The following C8orf88 variants were observed in gnomAD, a reference collection of about 807,000 sequenced individuals.
C8orf88 encodes the protein chromosome 8 open reading frame 88.
Under a neutral mutation model 18.4 loss-of-function variants are expected in C8orf88, and 14 were observed. That is an observed-to-expected ratio of 0.76 (90% CI 0.50 to 1.19). The LOEUF is 1.19. C8orf88 is among the 50% of genes most tolerant of loss of function. C8orf88 has a pLI of 0.00. For missense variants in C8orf88, 116 were observed against 134.7 expected, an observed-to-expected ratio of 0.86 and a Z score of 0.69; for synonymous variants, 45 against 42.9, an observed-to-expected ratio of 1.05 and a Z score of -0.19.
intron 3 of C8orf88, among the ~76,000 whole-genome samples, chr8:90,977,771 A>G (rs1448085326): frequency 1.3e-5 from 2 of 152,046 alleles, no homozygotes; most frequent in African/African-American, 2.4e-5. Flanking sequence ...GTGAAACCCC[A>G]TCTGTACTAA....
chr8:90,965,353 C>T (rs552794800), intron 4 of C8orf88, among the ~76,000 whole-genome samples: 1 of 151,746 alleles, frequency 6.6e-6, no homozygotes, highest in East Asian at 1.9e-4. Context: ...CATATATACC[C>T]AACAACAGAA....
intron 4 of C8orf88, 80 bp downstream of exon 4, chr8:90,970,986 C>T: frequency 1.3e-6 from 1 of 743,986 alleles, no homozygotes; most frequent in Non-Finnish European, 2.0e-6. Context: ...AAGTTTGCAT[C>T]TAAGTGATAA....
chr8:90,981,361 T>G (rs1377460104), intron 1 of C8orf88, among the ~76,000 whole-genome samples: 1 of 152,178 alleles, frequency 6.6e-6, no homozygotes, highest in Non-Finnish European at 1.5e-5. Context: ...TCACCATATA[T>G]TTGGACATTC....
At chr8:90,975,683 T>C (rs1201785672) in intron 3 of C8orf88, among the ~76,000 whole-genome samples, 1 of 152,084 alleles carries the variant, frequency 6.6e-6, no homozygotes, top group Non-Finnish European at 1.5e-5. Context: ...AGCTCCCTCA[T>C]ATTACTGATG....
chr8:90,980,042 T>C (rs1811410657), intron 2 of C8orf88, among the ~76,000 whole-genome samples: 1 of 152,160 alleles, frequency 6.6e-6, no homozygotes, highest in African/African-American at 2.4e-5. Context: ...CCTGCAGTTA[T>C]CATAATCACA....
intron 1 of C8orf88, among the ~76,000 whole-genome samples, chr8:90,984,476 AT>A (rs1811477068): frequency 6.6e-6 from 1 of 152,220 alleles, no homozygotes; most frequent in African/African-American, 2.4e-5. Flanking sequence ...TGGTTGCACT[AT>A]TAAGGAAAAA....
At chr8:90,964,394 G>A (rs201424288) in intron 4 of C8orf88, among the ~76,000 whole-genome samples, 1 of 151,618 alleles carries the variant, frequency 6.6e-6, no homozygotes, top group East Asian at 1.9e-4. Context: ...TCAAAAACAT[G>A]TCAATCAAGA....
At position 90,980,419 on chromosome 8, in the gene C8orf88, A is replaced by G. The variant is rs1195780396; in HGVS notation, c.17T>C (p.Leu6Ser). 2.0e-6 allele frequency: 3 copies of G among 1,531,576 alleles called. No homozygotes were observed. Among genetic ancestry groups the G allele is most frequent in the Admixed American group, 2.0e-5 (1 of 50,028 alleles). The allele number at this position is 1,531,576 out of a possible 1,614,324, so 94.9% of individuals were successfully genotyped here. Residue 6 changes from leucine (L) to serine (S), a missense_variant, in exon 2 of 6, where the codon TTA (leucine) becomes TCA (serine). Coordinates refer to ENST00000517562, the MANE Select transcript of C8orf88 (RefSeq NM_001190972.2). METKK[L>S]IGKPLQPARP... Reference sequence around the variant, plus strand: ...TGCTGGTTGAAGCGGTTTACCAATTAATTTTTTGGTTTCCATTGTCACAAA... The same window carrying G: ...TGCTGGTTGAAGCGGTTTACCAATTGATTTTTTGGTTTCCATTGTCACAAA...
At chr8:90,979,616 C>G (rs766883160) in intron 2 of C8orf88, among the ~76,000 whole-genome samples, 3 of 152,158 alleles carry the variant, frequency 2.0e-5, no homozygotes, top group African/African-American at 4.8e-5. Flanking sequence ...GTAAACTCAA[C>G]AAAGTATCTA....
chr8:90,966,804 T>C (rs1454018046), intron 4 of C8orf88, among the ~76,000 whole-genome samples: 1 of 151,934 alleles, frequency 6.6e-6, no homozygotes, highest in African/African-American at 2.4e-5. Context: ...AAACCCATTA[T>C]AAGTTAAAAA....
chr8:90,970,273 C>T (rs935176947), intron 4 of C8orf88, among the ~76,000 whole-genome samples: 24 of 151,458 alleles, frequency 1.6e-4, no homozygotes, highest in Non-Finnish European at 3.4e-4. Context: ...TTCTCATTTA[C>T]CAAGATAAAA....
intron 4 of C8orf88, among the ~76,000 whole-genome samples, chr8:90,967,502 A>T (rs1260205669): frequency 2.0e-5 from 3 of 151,730 alleles, no homozygotes; most frequent in African/African-American, 7.3e-5. Flanking sequence ...TGTTTAGTAG[A>T]CAAGTGTTTA....
At chr8:90,970,261 A>G (rs1811264676) in intron 4 of C8orf88, among the ~76,000 whole-genome samples, 2 of 151,946 alleles carry the variant, frequency 1.3e-5, no homozygotes, top group South Asian at 2.1e-4. Flanking sequence ...GAAAGATGTA[A>G]GTTCTCATTT....
chr8:90,977,622 A>G (rs1811370679), intron 3 of C8orf88, among the ~76,000 whole-genome samples: 1 of 152,140 alleles, frequency 6.6e-6, no homozygotes, highest in Admixed American at 6.6e-5. Flanking sequence ...ATGGTTGTGC[A>G]TGCATAGTCT....
At chr8:90,980,278 ATACTT>A in intron 2 of C8orf88, 80 bp downstream of exon 2, 1 of 798,856 alleles carries the variant, frequency 1.3e-6, no homozygotes, top group Non-Finnish European at 1.8e-6. Context: ...ACCTGAAACA[ATACTT>A]TATATATTAT....
chr8:90,985,234 G>C lies in C8orf88; in HGVS notation c.-147C>G, dbSNP rs1428807874. 3 of 149,036 alleles carry C rather than the reference G, an allele frequency of 2.0e-5. No individual in the cohort carries two copies. Among genetic ancestry groups the C allele is most frequent in the African/African-American group, 7.4e-5 (3 of 40,686 alleles). 9.2% of individuals were successfully genotyped at this position (149,036 alleles called of 1,614,324 possible). Reference sequence around the variant, plus strand: ...CCTGCCGCTGGTCCGCTGGCTGACCGCGGTGGCGGCGGCGGGGGGCGAGGG... The same window carrying C: ...CCTGCCGCTGGTCCGCTGGCTGACCCCGGTGGCGGCGGCGGGGGGCGAGGG... On this transcript the variant is annotated 5_prime_UTR_variant, in exon 1 of 6. Transcript: ENST00000517562.
chr8:90,969,915 T>C (rs983538693), intron 4 of C8orf88, among the ~76,000 whole-genome samples: 3 of 151,788 alleles, frequency 2.0e-5, no homozygotes, highest in Non-Finnish European at 2.9e-5. Flanking sequence ...CTAGTCCATA[T>C]TGGAATAGGA....
intron 1 of C8orf88, among the ~76,000 whole-genome samples, chr8:90,981,863 G>C (rs1248416642): frequency 6.6e-6 from 1 of 152,052 alleles, no homozygotes; most frequent in Non-Finnish European, 1.5e-5. Flanking sequence ...ACTTGATTTT[G>C]CACCTGCTTA....
chr8:90,982,919 G>C (rs557364396), intron 1 of C8orf88, among the ~76,000 whole-genome samples: 19 of 152,188 alleles, frequency 1.2e-4, no homozygotes, highest in East Asian at 5.8e-4. Context: ...TGAGTCACGA[G>C]ATTATAATTA....
Sources: allele counts gnomAD v4.1 joint callset (sites outside exome capture counted in the v4.1 genomes callset), GRCh38; gene constraint gnomAD v4.1.1; transcripts MANE v1.5; gene names NCBI Gene and HGNC (gene_info 2026-07-23, HGNC 2026-07-21).